Variants in EPAS1 observed in about 807,000 individuals in gnomAD.
EPAS1 encodes endothelial PAS domain-containing protein 1.
Under a neutral mutation model 87.9 loss-of-function variants are expected in EPAS1, and 23 were observed. That is an observed-to-expected ratio of 0.26 (90% CI 0.19 to 0.37). EPAS1 has a LOEUF of 0.37. Ranked by LOEUF, EPAS1 falls within the 10% of genes least tolerant of loss-of-function variation. The probability of loss-of-function intolerance (pLI) is 1.00; values close to 1 mark genes in which losing one functional copy is unlikely to be tolerated. For missense variants in EPAS1, 1,138 were observed against 1,120.7 expected (o/e 1.02, Z -0.22); for synonymous variants, 508 against 444.3 (o/e 1.14, Z -1.80).
At position 46,386,162 on chromosome 2, in the gene EPAS1, A is replaced by C. The variant is rs1685019869; in HGVS notation, c.*1502A>C. 1.3e-5 allele frequency: 2 copies of C among 152,768 alleles called. No individual in the cohort carries two copies. Among genetic ancestry groups the C allele is most frequent in the Non-Finnish European group, 2.9e-5 (2 of 68,046 alleles). 9.5% of individuals were successfully genotyped at this position (152,768 alleles called of 1,614,324 possible). Reference sequence around the variant, plus strand: ...GCACTGAAAATAGTGTTCCCAGAGCACTTTGCAACTCCCTGGGTAAGAGGG... The same window carrying C: ...GCACTGAAAATAGTGTTCCCAGAGCCCTTTGCAACTCCCTGGGTAAGAGGG... On this transcript the variant is annotated 3_prime_UTR_variant, in exon 16 of 16. Coordinates refer to ENST00000263734, the MANE Select transcript of EPAS1 (RefSeq NM_001430.5).
At chr2:46,344,890 G>C (rs1267220589) in intron 1 of EPAS1, among the ~76,000 whole-genome samples, 2 of 152,264 alleles carry the variant, frequency 1.3e-5, no homozygotes, top group Admixed American at 1.3e-4. Context: ...GAGCTGGATA[G>C]TCTGTCTTTT....
At chr2:46,301,617 C>G (rs1683001722) in intron 1 of EPAS1, among the ~76,000 whole-genome samples, 1 of 149,654 alleles carries the variant, frequency 6.7e-6, no homozygotes, top group Non-Finnish European at 1.5e-5. Context: ...TGGTTTATTA[C>G]TTTCAATTAA....
At chr2:46,351,187 C>T (rs566109348) in intron 2 of EPAS1, among the ~76,000 whole-genome samples, 1 of 152,160 alleles carries the variant, frequency 6.6e-6, no homozygotes. Flanking sequence ...TGGGTGAGAA[C>T]AGCTAATATA....
intron 1 of EPAS1, among the ~76,000 whole-genome samples, chr2:46,298,708 C>A (rs780670584): frequency 6.6e-6 from 1 of 152,208 alleles, no homozygotes; most frequent in Non-Finnish European, 1.5e-5. Flanking sequence ...CGCCTGCCCT[C>A]GCGAGCCTCT....
chr2:46,374,285 G>A lies in EPAS1; in HGVS notation c.887-1405G>A, dbSNP rs530499073. Among the ~76,000 whole-genome samples, 23 of 152,308 alleles carry A rather than the reference G, an allele frequency of 1.5e-4. No individual in the cohort carries two copies. The South Asian group carries it at 3.9e-3, about 26-fold the overall frequency. ...ACCGGGGAGACTCTCTGTCTACCGA[G>A]AGCCTGGATATCCTCCCGAGTGGCC... On this transcript the variant is annotated intron_variant, in intron 7 of 15. Transcript: ENST00000263734.
intron 7 of EPAS1, among the ~76,000 whole-genome samples, chr2:46,370,140 C>T (rs1684598947): frequency 6.6e-6 from 1 of 152,202 alleles, no homozygotes. Context: ...AGAAAAAGGA[C>T]ACTTCCTCCA....
chr2:46,344,566 T>C (rs927115719), intron 1 of EPAS1, among the ~76,000 whole-genome samples: 2 of 152,186 alleles, frequency 1.3e-5, no homozygotes, highest in Non-Finnish European at 2.9e-5. Flanking sequence ...TTGCAATTCT[T>C]TAACTTTTTC....
chr2:46,347,477 C>T lies in EPAS1; in HGVS notation c.217+414C>T, dbSNP rs1308195071. ...CTCCAGAACAGCAAGAAGGTGTGCC[C>T]GGATGATCTTTTCCCTCTGAGAAGC... On this transcript the variant is annotated intron_variant, in intron 2 of 15. Coordinates refer to ENST00000263734, the MANE Select transcript of EPAS1 (RefSeq NM_001430.5). The surrounding 1 kb of genome is among the most constrained non-coding windows in gnomAD (Gnocchi z 4.2). 3.0e-5 allele frequency: 8 copies of T among 270,726 alleles called. No homozygotes were observed. The highest frequency in any genetic ancestry group is 1.1e-4 in the African/African-American group (5 of 45,716). 16.8% of individuals were successfully genotyped at this position (270,726 alleles called of 1,614,324 possible).
intron 1 of EPAS1, among the ~76,000 whole-genome samples, chr2:46,304,199 G>C (rs1399685789): frequency 2.0e-5 from 3 of 152,170 alleles, no homozygotes; most frequent in African/African-American, 7.2e-5. Context: ...AGTCTTATTT[G>C]TGCCAGTGCC....
intron 6 of EPAS1, among the ~76,000 whole-genome samples, chr2:46,367,483 G>C (rs1451111832): frequency 6.6e-6 from 1 of 152,236 alleles, no homozygotes; most frequent in African/African-American, 2.4e-5. Flanking sequence ...ACCCAGCAGC[G>C]AAGCCATTTG....
chr2:46,302,734 GAAAAA>G (rs368452487), intron 1 of EPAS1, among the ~76,000 whole-genome samples: 2 of 119,540 alleles, frequency 1.7e-5, no homozygotes, highest in African/African-American at 3.3e-5. Context: ...GTCTGATTAG[GAAAAA>G]AAAAAAAAAA....
chr2:46,340,488 C>G (rs1683889449), intron 1 of EPAS1, among the ~76,000 whole-genome samples: 1 of 152,166 alleles, frequency 6.6e-6, no homozygotes, highest in Admixed American at 6.5e-5. Flanking sequence ...TTTAACCACT[C>G]CAGTCTCATG....
chr2:46,376,445 G>T, intron 8 of EPAS1, 94 bp from the exon 9 acceptor site: 1 of 1,261,642 alleles, frequency 7.9e-7, no homozygotes, highest in Non-Finnish European at 1.2e-6. Flanking sequence ...ATTTTTTGTC[G>T]GAGAGCTTAG....
rs11690951 is a variant in EPAS1, at chr2:46,382,827, A to T, written c.2461+229A>T. On this transcript the variant is annotated intron_variant, in intron 15 of 15. Transcript: ENST00000263734. Reference sequence around the variant, plus strand: ...GGTGGGTCTGAGACACAGCTAAAAAACTCAAACTCAGGCTAGAATACTGAA... The same window carrying T: ...GGTGGGTCTGAGACACAGCTAAAAATCTCAAACTCAGGCTAGAATACTGAA... Among the ~76,000 whole-genome samples the T allele has an allele frequency of 0.34, 52,181 of 151,702 alleles. 10,793 individuals are homozygous for T. The highest frequency in any genetic ancestry group is 0.48 in the Non-Finnish European group (32,745 of 67,770).
intron 2 of EPAS1, among the ~76,000 whole-genome samples, chr2:46,352,458 T>A (rs1284309987): frequency 6.6e-6 from 1 of 152,166 alleles, no homozygotes; most frequent in African/African-American, 2.4e-5. Flanking sequence ...AACTTAATAA[T>A]GGTGTAGGGA....
chr2:46,353,016 G>A (rs1410747469), intron 2 of EPAS1, among the ~76,000 whole-genome samples: 1 of 152,188 alleles, frequency 6.6e-6, no homozygotes, highest in Non-Finnish European at 1.5e-5. Context: ...AACCCAAATA[G>A]GGTTGTCTTG....
Position 46,312,095 on chromosome 2 carries a change from T to C in EPAS1, c.26+14158T>C, listed in dbSNP as rs574404918. ...GCCAAGGCACAGTACATGTTTATTT[T>C]GGAGAGAGACAAACTTTCACCCACT... On this transcript the variant is annotated intron_variant, in intron 1 of 15. Transcript: ENST00000263734. 2.5e-3 allele frequency among the ~76,000 whole-genome samples: 383 copies of C among 152,336 alleles called. 2 individuals are homozygous for C. Among genetic ancestry groups the C allele is most frequent in the Middle Eastern group, 0.014 (4 of 294 alleles).
intron 1 of EPAS1, among the ~76,000 whole-genome samples, chr2:46,321,328 A>G (rs968083580): frequency 6.6e-6 from 1 of 152,216 alleles, no homozygotes; most frequent in African/African-American, 2.4e-5. Flanking sequence ...GTTGTGAATC[A>G]TGGTGAACAT....
At chr2:46,382,768 T>A (rs1476727393) in intron 15 of EPAS1, among the ~76,000 whole-genome samples, 170 bp downstream of exon 15, 1 of 152,092 alleles carries the variant, frequency 6.6e-6, no homozygotes, top group Non-Finnish European at 1.5e-5. Context: ...TCCTCACAAG[T>A]TCCTTGTGAC....
Sources: allele counts gnomAD v4.1 joint callset (sites outside exome capture counted in the v4.1 genomes callset), GRCh38; gene constraint gnomAD v4.1.1; non-coding constraint Gnocchi (gnomAD v3.1); transcripts MANE v1.5; gene names NCBI Gene and HGNC (gene_info 2026-07-23, HGNC 2026-07-21).